Variants in PTPRM observed in about 807,000 individuals in gnomAD.
PTPRM encodes the protein receptor-type tyrosine-protein phosphatase mu.
In PTPRM, 47 loss-of-function variants were observed where a neutral mutation model predicts 186.7. That is an observed-to-expected ratio of 0.25 (90% CI 0.20 to 0.32). PTPRM has a LOEUF of 0.32. PTPRM is among the 10% of genes least tolerant of loss of function. The probability of loss-of-function intolerance (pLI) is 1.00; values close to 1 mark genes in which losing one functional copy is unlikely to be tolerated. For synonymous variants in PTPRM, 668 were observed against 674.9 expected (o/e 0.99, Z 0.16); for missense variants, 1,494 against 1,865.0 (o/e 0.80, Z 3.66).
intron 5 of PTPRM, chr18:7,946,794 A>C (rs952544945): frequency 3.2e-5 from 12 of 375,864 alleles, no homozygotes; most frequent in African/African-American, 1.5e-4. Context: ...GATAATGTTG[A>C]TGGAACTGTT....
At chr18:8,177,941 A>C (rs1029050130) in intron 14 of PTPRM, among the ~76,000 whole-genome samples, 1 of 152,124 alleles carries the variant, frequency 6.6e-6, no homozygotes, top group African/African-American at 2.4e-5. Context: ...CAGTGTGTTT[A>C]CTGGAGTTGT....
In PTPRM at chr18:7,568,553, C is replaced by A. The variant is rs1326042992; in HGVS notation, c.73+662C>A. Reference sequence around the variant, plus strand: ...CCGCGGAGGGAAGCGGGCAGGTCCCCAGGCCCTGGCCACGGCCCTGCGCCC... The same window carrying A: ...CCGCGGAGGGAAGCGGGCAGGTCCCAAGGCCCTGGCCACGGCCCTGCGCCC... On this transcript the variant is annotated intron_variant, in intron 1 of 32. Coordinates refer to ENST00000580170, the MANE Select transcript of PTPRM (RefSeq NM_001105244.2). This position sits in a 1 kb window ranked among gnomAD's most constrained non-coding sequence, Gnocchi z 5.1. Among the ~76,000 whole-genome samples the A allele has an allele frequency of 6.6e-6, 1 of 152,156 alleles. No homozygotes were observed. Among genetic ancestry groups the A allele is most frequent in the Non-Finnish European group, 1.5e-5 (1 of 68,008 alleles).
At chr18:7,984,277 T>C (rs2082712812) in intron 7 of PTPRM, among the ~76,000 whole-genome samples, 1 of 151,976 alleles carries the variant, frequency 6.6e-6, no homozygotes, top group Admixed American at 6.6e-5. Flanking sequence ...CTCGTAATGA[T>C]TGCAAGAGAG....
intron 20 of PTPRM, among the ~76,000 whole-genome samples, chr18:8,304,817 C>CTTTA (rs1332502841): frequency 1.7e-4 from 11 of 65,538 alleles, no homozygotes; most frequent in African/African-American, 6.4e-4. Context: ...AAGCTGTTGA[C>CTTTA]TTTATTTTTT....
At chr18:7,679,796 A>C (rs637809) in intron 1 of PTPRM, among the ~76,000 whole-genome samples, 10,471 of 152,248 alleles carry the variant, frequency 0.069, 774 homozygotes, top group East Asian at 0.28. Context: ...AGTCTAAAAC[A>C]ATAGGAAGAC....
In PTPRM at chr18:7,874,788, A is replaced by G. The variant is rs553433373; in HGVS notation, c.197-13318A>G. ...CTAGACCACCTACCTAAGGGAATAA[A>G]TCAAGATGCACTGAGTTCAGTTATT... is the stretch of plus-strand genomic sequence containing the variant. On this transcript the variant is annotated intron_variant, in intron 2 of 32. Transcript: ENST00000580170. Among the ~76,000 whole-genome samples, 9 of 152,336 alleles carry G rather than the reference A, an allele frequency of 5.9e-5. No individual in the cohort carries two copies. In the South Asian group the frequency reaches 1.5e-3, roughly 25 times the overall value.
chr18:8,392,192 TGA>T (rs1311911760), intron 31 of PTPRM, among the ~76,000 whole-genome samples: 1 of 150,726 alleles, frequency 6.6e-6, no homozygotes, highest in African/African-American at 2.5e-5. Context: ...AGAAACAATC[TGA>T]GAGTGGATTT....
rs1377241688 is a variant in PTPRM, at chr18:8,020,895, G to A, written c.1133-48791G>A. The stretch of plus-strand genomic sequence containing the variant: ...GTACTGTTTAGTGTCGTTCTGTGTG[G>A]GACTCGGATTTGTAAAGCCCCTGCA... On this transcript the variant is annotated intron_variant, in intron 7 of 32. Coordinates refer to ENST00000580170, the MANE Select transcript of PTPRM (RefSeq NM_001105244.2). Among the ~76,000 whole-genome samples the A allele has an allele frequency of 2.6e-5, 4 of 152,120 alleles. No homozygotes were observed. The East Asian group carries it at 7.7e-4, about 29-fold the overall frequency.
chr18:7,713,697 C>CAA (rs139119900), intron 1 of PTPRM, among the ~76,000 whole-genome samples: 31 of 115,938 alleles, frequency 2.7e-4, no homozygotes, highest in Admixed American at 1.1e-3. Context: ...AAATGGAAAG[C>CAA]AAAAAAAAAA....
At chr18:7,915,189 CAG>C (rs574786636) in intron 4 of PTPRM, among the ~76,000 whole-genome samples, 179 of 152,068 alleles carry the variant, frequency 1.2e-3, no homozygotes, top group Admixed American at 2.7e-3. Flanking sequence ...TAAGAAGAAA[CAG>C]AATATGGAAG....
intron 1 of PTPRM, among the ~76,000 whole-genome samples, chr18:7,740,195 C>T (rs963081586): frequency 2.6e-5 from 4 of 152,120 alleles, no homozygotes; most frequent in African/African-American, 4.8e-5. Context: ...TACCCCTCAG[C>T]TCCAAGCTTG....
intron 4 of PTPRM, among the ~76,000 whole-genome samples, chr18:7,908,871 A>G (rs1432793600): frequency 6.6e-6 from 1 of 152,242 alleles, no homozygotes; most frequent in East Asian, 1.9e-4. Flanking sequence ...GAAAAGTGCC[A>G]TGAGATCTTC....
Position 7,988,961 on chromosome 18 carries a change from A to G in PTPRM, c.1132+33547A>G, listed in dbSNP as rs547213366. ...AATGTCAGATTGGAGATCAAGTTCA[A>G]CATAAGAATGGGGAAAATCATCTAT... On this transcript the variant is annotated intron_variant, in intron 7 of 32. Coordinates refer to ENST00000580170, the MANE Select transcript of PTPRM (RefSeq NM_001105244.2). Among the ~76,000 whole-genome samples, 65 of 152,328 alleles carry G rather than the reference A, an allele frequency of 4.3e-4. 1 individual carries two copies. Among genetic ancestry groups the G allele is most frequent in the Middle Eastern group, 3.4e-3 (1 of 294 alleles).
At chr18:8,154,488 C>G (rs928379451) in intron 14 of PTPRM, 1 of 152,230 alleles carries the variant, frequency 6.6e-6, no homozygotes, top group Non-Finnish European at 1.5e-5. Flanking sequence ...GATGAGCCAG[C>G]CGCCATCGTC....
At chr18:7,926,826 T>C in intron 5 of PTPRM, 143 bp downstream of exon 5, 2 of 491,720 alleles carry the variant, frequency 4.1e-6, no homozygotes, top group Non-Finnish European at 6.9e-6. Context: ...TACTTAGTAA[T>C]CTATAAAAGC....
chr18:7,736,309 TTTTA>T (rs1358901062), intron 1 of PTPRM, among the ~76,000 whole-genome samples: 10 of 152,140 alleles, frequency 6.6e-5, no homozygotes, highest in Admixed American at 6.5e-4. Context: ...CTGGAATTTA[TTTTA>T]TTTATTTTTA....
At chr18:8,205,356 G>A (rs924114698) in intron 14 of PTPRM, among the ~76,000 whole-genome samples, 3 of 151,968 alleles carry the variant, frequency 2.0e-5, no homozygotes, top group Non-Finnish European at 4.4e-5. Context: ...CTACATACAG[G>A]TATAGCCTTA....
chr18:7,693,219 A>G (rs1010848489), intron 1 of PTPRM, among the ~76,000 whole-genome samples: 2 of 152,172 alleles, frequency 1.3e-5, no homozygotes, highest in African/African-American at 4.8e-5. Flanking sequence ...TACAAAGATT[A>G]ACGGGTGACA....
At chr18:7,962,623 AG>A in intron 7 of PTPRM, among the ~76,000 whole-genome samples, 1 of 152,342 alleles carries the variant, frequency 6.6e-6, no homozygotes, top group South Asian at 2.1e-4. Context: ...TTCCTTGGCA[AG>A]GGGGCATTAC....
Sources: gnomAD v4.1 joint callset for allele counts (sites outside exome capture counted in the v4.1 genomes callset) on GRCh38, gnomAD v4.1.1 for gene constraint, Gnocchi (gnomAD v3.1) non-coding constraint, MANE v1.5 for transcripts, NCBI Gene and HGNC (gene_info 2026-07-23, HGNC 2026-07-21) for gene names.